The following DACH2 variants were observed in gnomAD, a reference collection of about 807,000 sequenced individuals.
DACH2 encodes dachshund family transcription factor 2.
DACH2 carries 17 observed loss-of-function variants against 35.8 expected under a neutral mutation model. The observed-to-expected ratio is 0.48, with a 90% CI of 0.33 to 0.71. The LOEUF (loss-of-function observed/expected upper bound fraction) is 0.71. Among genes scored for constraint, DACH2 ranks in the 30% least tolerant of loss-of-function variants. The pLI is 0.02. For missense variants in DACH2, 469 were observed against 472.7 expected (o/e 0.99, Z 0.07); for synonymous variants, 195 against 177.3 (o/e 1.10, Z -0.79).
chrX:86,249,552 C>T (rs1290310000), intron 1 of DACH2, among the ~76,000 whole-genome samples: 1 of 111,238 alleles, frequency 9.0e-6, no homozygotes, highest in Non-Finnish European at 1.9e-5. Flanking sequence ...TAAAAAATCA[C>T]AGATGCTGGT....
At chrX:86,213,810 C>T (rs1037071565) in intron 1 of DACH2, among the ~76,000 whole-genome samples, 7 of 111,122 alleles carry the variant, frequency 6.3e-5, no homozygotes, top group Admixed American at 4.8e-4. Context: ...CAGCTGCCTT[C>T]AGTATTGTCT....
At chrX:86,410,161 G>T (rs1324683874) in intron 2 of DACH2, among the ~76,000 whole-genome samples, 1 of 111,947 alleles carries the variant, frequency 8.9e-6, no homozygotes, top group Non-Finnish European at 1.9e-5. Context: ...TCTTTCCATT[G>T]TTTAAAACAG....
intron 2 of DACH2, among the ~76,000 whole-genome samples, chrX:86,434,500 CTTAT>C (rs2148175140): frequency 8.9e-6 from 1 of 111,881 alleles, no homozygotes; most frequent in East Asian, 2.8e-4. Flanking sequence ...GGTATATTCA[CTTAT>C]TTTTTAATAC....
intron 4 of DACH2, among the ~76,000 whole-genome samples, chrX:86,673,614 T>C (rs1442244284): frequency 9.0e-6 from 1 of 111,337 alleles, no homozygotes; most frequent in East Asian, 2.8e-4. Context: ...AATGCTGAAA[T>C]AAGTTGAGAC....
intron 6 of DACH2, among the ~76,000 whole-genome samples, chrX:86,719,848 C>T (rs1305815915): frequency 9.1e-6 from 1 of 110,230 alleles, no homozygotes; most frequent in East Asian, 2.9e-4. Context: ...TTCACCACTG[C>T]CCCTCCAAAA....
chrX:86,802,001 C>A (rs1031524008), intron 7 of DACH2, among the ~76,000 whole-genome samples: 1 of 111,609 alleles, frequency 9.0e-6, no homozygotes, highest in African/African-American at 3.3e-5. Context: ...TAATTTTATT[C>A]GATTTCTTGA....
chrX:86,754,552 G>A (rs1457750172), intron 7 of DACH2, among the ~76,000 whole-genome samples: 2 of 110,492 alleles, frequency 1.8e-5, no homozygotes, highest in East Asian at 5.7e-4. Flanking sequence ...ACTCATTGTA[G>A]CCAACCTCTC....
At chrX:86,563,940 A>T (rs902642780) in intron 3 of DACH2, among the ~76,000 whole-genome samples, 1 of 111,116 alleles carries the variant, frequency 9.0e-6, no homozygotes, top group Non-Finnish European at 1.9e-5. Flanking sequence ...CCACATTTTT[A>T]TGTTACCTTA....
chrX:86,813,528 C>T (rs1053947130), intron 9 of DACH2, among the ~76,000 whole-genome samples: 24 of 107,059 alleles, frequency 2.2e-4, no homozygotes, highest in Non-Finnish European at 9.6e-5. Context: ...AGGAGAATGG[C>T]GTGAACCCGG....
intron 11 of DACH2, among the ~76,000 whole-genome samples, chrX:86,816,880 T>C (rs1163907425): frequency 1.8e-5 from 2 of 111,793 alleles, no homozygotes; most frequent in African/African-American, 6.5e-5. Flanking sequence ...ATAAAGAACA[T>C]TTTTATGAGA....
intron 6 of DACH2, among the ~76,000 whole-genome samples, chrX:86,735,072 C>A (rs993393943): frequency 3.6e-5 from 4 of 111,649 alleles, no homozygotes; most frequent in African/African-American, 1.3e-4. Flanking sequence ...ACATCTATTA[C>A]ATAATTCTAC....
chrX:86,781,005 G>A (rs5968994), intron 7 of DACH2, among the ~76,000 whole-genome samples: 3 of 110,379 alleles, frequency 2.7e-5, no homozygotes, highest in Non-Finnish European at 5.7e-5. Flanking sequence ...TGGCAAGAAA[G>A]GTTCATCAGA....
At chrX:86,649,319 C>T (rs568199558) in intron 3 of DACH2, among the ~76,000 whole-genome samples, 5 of 110,674 alleles carry the variant, frequency 4.5e-5, no homozygotes, top group African/African-American at 1.6e-4. Context: ...TAATAAAATA[C>T]CTATTAATTC....
intron 1 of DACH2, among the ~76,000 whole-genome samples, chrX:86,356,223 G>A (rs2035639694): frequency 9.0e-6 from 1 of 111,359 alleles, no homozygotes; most frequent in African/African-American, 3.3e-5. Context: ...GTGAAAGAAA[G>A]GGGTCCAATT....
chrX:86,824,009 AG>A (rs1461717929), intron 11 of DACH2, among the ~76,000 whole-genome samples: 1 of 111,875 alleles, frequency 8.9e-6, no homozygotes, highest in African/African-American at 3.3e-5. Context: ...TATGTTCAGC[AG>A]TACACATATT....
intron 7 of DACH2, among the ~76,000 whole-genome samples, chrX:86,792,525 C>T (rs183264985): frequency 9.0e-6 from 1 of 111,474 alleles, no homozygotes; most frequent in East Asian, 2.8e-4. Flanking sequence ...ATCTCCTTCC[C>T]CCAACACACA....
At chrX:86,381,148 A>C (rs1465061887) in intron 2 of DACH2, among the ~76,000 whole-genome samples, 1 of 110,056 alleles carries the variant, frequency 9.1e-6, no homozygotes, top group African/African-American at 3.3e-5. Context: ...TTCAACTTTA[A>C]TGGTTACTGC....
At chrX:86,484,031 C>T (rs1435892098) in intron 2 of DACH2, among the ~76,000 whole-genome samples, 1 of 111,028 alleles carries the variant, frequency 9.0e-6, no homozygotes, top group Non-Finnish European at 1.9e-5. Context: ...TTTATTTACT[C>T]ATATGTGCCA....
chrX:86,205,702 A>C (rs2032292019), intron 1 of DACH2, among the ~76,000 whole-genome samples: 1 of 105,975 alleles, frequency 9.4e-6, no homozygotes. Context: ...CTGGGACTAC[A>C]TGCATGCACC....
Sources: allele counts gnomAD v4.1 joint callset (sites outside exome capture counted in the v4.1 genomes callset), GRCh38; gene constraint gnomAD v4.1.1; transcripts MANE v1.5; gene names NCBI Gene and HGNC (gene_info 2026-07-23, HGNC 2026-07-21).